The following MATK variants were observed in gnomAD, a reference collection of about 807,000 sequenced individuals.
The protein encoded by MATK is megakaryocyte-associated tyrosine kinase.
In MATK, 41 loss-of-function variants were observed where a neutral mutation model predicts 59.8. The ratio of observed to expected loss-of-function variants is 0.69; its 90% confidence interval spans 0.53 to 0.89. The LOEUF (loss-of-function observed/expected upper bound fraction) is 0.89. MATK is among the 40% of genes least tolerant of loss of function. The pLI, the probability that MATK is intolerant of heterozygous loss-of-function variation, is 0.00. For synonymous variants in MATK, 308 were observed against 306.1 expected, an observed-to-expected ratio of 1.01 and a Z score of -0.06; for missense variants, 593 against 719.6, an observed-to-expected ratio of 0.82 and a Z score of 2.01.
At chr19:3,800,687 G>A (rs1033370018) in intron 1 of MATK, among the ~76,000 whole-genome samples, 1 of 151,968 alleles carries the variant, frequency 6.6e-6, no homozygotes, top group South Asian at 2.1e-4. Flanking sequence ...GAAATGGAGT[G>A]TTCACAGTAG....
At chr19:3,787,025 C>T (rs1297555527), upstream of MATK, among the ~76,000 whole-genome samples, 1 of 152,168 alleles carries the variant, frequency 6.6e-6, no homozygotes, top group East Asian at 1.9e-4. Flanking sequence ...ACAGTTTGAT[C>T]TCACTTGGTC....
chr19:3,786,212 A>T lies in MATK; in HGVS notation c.-195T>A. On this transcript the variant is annotated 5_prime_UTR_variant, in exon 1 of 14. Transcript: ENST00000310132. The surrounding 1 kb of genome is among the most constrained non-coding windows in gnomAD (Gnocchi z 4.1). ...CGAGCCGCGCCCCGCGCCCGCCCCC[A>T]GGAGGGCCTCCGCGAGCCGGCTGCA... 1.0e-6 allele frequency: 1 copy of T among 983,352 alleles called. No individual in the cohort carries two copies. Among genetic ancestry groups the T allele is most frequent in the African/African-American group, 1.8e-5 (1 of 56,966 alleles). The allele number at this position is 983,352 out of a possible 1,614,324, so 60.9% of individuals were successfully genotyped here.
chr19:3,784,527 G>T, intron 3 of MATK, 76 bp from the exon 4 acceptor site: 1 of 991,974 alleles, frequency 1.0e-6, no homozygotes, highest in Non-Finnish European at 1.5e-6. Flanking sequence ...GGAGGGGAAA[G>T]AGGACAGGAG....
intron 1 of MATK, among the ~76,000 whole-genome samples, chr19:3,791,581 G>A (rs1033774039): frequency 9.9e-5 from 15 of 151,852 alleles, no homozygotes; most frequent in East Asian, 2.0e-4. Flanking sequence ...GACCTCAGGC[G>A]ATCTGCCCGC....
At chr19:3,784,663 GGACAGAAGGTC>G in intron 3 of MATK, 151 bp downstream of exon 3, 1 of 697,750 alleles carries the variant, frequency 1.4e-6, no homozygotes, top group African/African-American at 1.8e-5. Context: ...AGGCGGCCTG[GGACAGAAGGTC>G]AGGAAGCCAA....
rs2037361907 is a variant in MATK, at chr19:3,779,197, G to C, written c.1002-10C>G. ...GCCCTCGGCCACGTGCCTGGGGGTA[G>C]TAGGGGGCAGTGGGGGCTCAGGTGC... On this transcript the variant is annotated splice_polypyrimidine_tract_variant and intron_variant, in intron 11 of 13. Coordinates refer to ENST00000310132, the MANE Select transcript of MATK (RefSeq NM_139355.3). 1 of 1,574,722 alleles carries C rather than the reference G, an allele frequency of 6.4e-7. No homozygotes were observed. Among genetic ancestry groups the C allele is most frequent in the African/African-American group, 1.4e-5 (1 of 74,018 alleles).
At chr19:3,789,471 C>G (rs147505232), upstream of MATK, 3 of 571,898 alleles carry the variant, frequency 5.2e-6, no homozygotes, top group Non-Finnish European at 9.6e-6. Context: ...GGAGGCCTCA[C>G]CCCAGAAGAA....
upstream of MATK, chr19:3,789,452 C>T (rs2037519666): frequency 6.8e-6 from 4 of 585,764 alleles, no homozygotes; most frequent in South Asian, 6.3e-5. Flanking sequence ...AGCCCCAGGG[C>T]TCCGGGCAGG....
chr19:3,778,301 G>A lies in MATK; in HGVS notation c.1406C>T (p.Pro469Leu), dbSNP rs1599192092. 3 of 1,575,488 alleles carry A rather than the reference G, an allele frequency of 1.9e-6. No individual in the cohort carries two copies. Among genetic ancestry groups the A allele is most frequent in the Non-Finnish European group, 2.6e-6 (3 of 1,165,468 alleles). The stretch of plus-strand genomic sequence containing the variant: ...CTTCTCGGCCAGTTTGCGGAAGGGT[G>A]GCCGGCGGGCGGGCTCTGCCTCCCA... Reference protein sequence around the residue: ...SCWEAEPARRPPFRKLAEKLA... With the variant: ...SCWEAEPARRLPFRKLAEKLA... Residue 469 changes from proline to leucine, a missense_variant, in exon 14 of 14, where the codon CCA (proline) becomes CTA (leucine). Coordinates refer to ENST00000310132, the MANE Select transcript of MATK (RefSeq NM_139355.3).
At chr19:3,782,793 G>C in intron 7 of MATK, 2 of 372,672 alleles carry the variant, frequency 5.4e-6, no homozygotes, top group South Asian at 3.1e-5. Context: ...GCTGGGCTGT[G>C]GGGAGGGGAG....
chr19:3,784,522 G>T, intron 3 of MATK, 71 bp from the exon 4 acceptor site: 1 of 1,083,336 alleles, frequency 9.2e-7, no homozygotes. Context: ...GCACGGGAGG[G>T]GAAAGAGGAC....
chr19:3,794,836 T>C (rs1354702240), intron 1 of MATK, among the ~76,000 whole-genome samples: 1 of 152,094 alleles, frequency 6.6e-6, no homozygotes, highest in East Asian at 1.9e-4. Context: ...GGCATGCTGG[T>C]CTCTGTCCCA....
intron 1 of MATK, among the ~76,000 whole-genome samples, chr19:3,792,706 TG>T: frequency 6.6e-6 from 1 of 151,956 alleles, no homozygotes; most frequent in Admixed American, 6.6e-5. Flanking sequence ...TTAGTAGAGA[TG>T]GGGTTTCACC....
upstream of MATK, chr19:3,786,428 C>A (rs925055692): frequency 1.4e-5 from 14 of 978,626 alleles, no homozygotes; most frequent in South Asian, 1.4e-4. This position sits in a 1 kb window ranked among gnomAD's most constrained non-coding sequence, Gnocchi z 4.1. Flanking sequence ...CTCCCCGCCC[C>A]GCCTCCGCGG....
intron 3 of MATK, 90 bp from the exon 4 acceptor site, chr19:3,784,541 G>A (rs946361905): frequency 1.2e-6 from 1 of 850,228 alleles, no homozygotes; most frequent in Non-Finnish European, 1.8e-6. Context: ...ACAGGAGGGA[G>A]AAAGGTATAG....
chr19:3,781,468 G>C, intron 8 of MATK, 139 bp downstream of exon 8: 1 of 858,982 alleles, frequency 1.2e-6, no homozygotes, highest in Non-Finnish European at 1.9e-6. Context: ...GGGAAACTGA[G>C]GCTCAGAGGA....
rs574174743 is a variant in MATK, at chr19:3,783,380, G to C, written c.583-161C>G. 5 of 646,656 alleles carry C rather than the reference G, an allele frequency of 7.7e-6. No individual in the cohort carries two copies. The Admixed American group carries it at 1.1e-4, about 15-fold the overall frequency. The allele number at this position is 646,656 out of a possible 1,614,324, so 40.1% of individuals were successfully genotyped here. A position where few individuals can be genotyped will look rare whatever the true frequency, so the allele number is the denominator to read the frequency against. On this transcript the variant is annotated intron_variant, in intron 6 of 13. Transcript: ENST00000310132. ...GAAAGGAGGCAAGCCAAAAGGAGGG[G>C]GAGTCCTCTGGATTGGTATCAACTT...
intron 1 of MATK, among the ~76,000 whole-genome samples, chr19:3,799,112 C>T (rs2037621036): frequency 6.6e-6 from 1 of 152,028 alleles, no homozygotes; most frequent in African/African-American, 2.4e-5. Context: ...GCCTTAATAG[C>T]CCATTTGCAC....
At position 3,779,206 on chromosome 19, in the gene MATK, A is replaced by G; in HGVS notation, c.1002-19T>C. Reference sequence around the variant, plus strand: ...CACGTGCCTGGGGGTAGTAGGGGGCAGTGGGGGCTCAGGTGCCAGGATGCC... The same window carrying G: ...CACGTGCCTGGGGGTAGTAGGGGGCGGTGGGGGCTCAGGTGCCAGGATGCC... On this transcript the variant is annotated intron_variant, in intron 11 of 13. Transcript: ENST00000310132. 1 of 1,566,852 alleles carries G rather than the reference A, an allele frequency of 6.4e-7. No individual in the cohort carries two copies.
Sources: allele counts gnomAD v4.1 joint callset (sites outside exome capture counted in the v4.1 genomes callset), GRCh38; gene constraint gnomAD v4.1.1; non-coding constraint Gnocchi (gnomAD v3.1); transcripts MANE v1.5; gene names NCBI Gene and HGNC (gene_info 2026-07-23, HGNC 2026-07-21).